Variants in TMTC1 observed in about 807,000 individuals in gnomAD.
TMTC1 encodes the protein protein O-mannosyl-transferase TMTC1.
Under a neutral mutation model 104.8 loss-of-function variants are expected in TMTC1, and 73 were observed. That is an observed-to-expected ratio of 0.70 (90% CI 0.58 to 0.85). The LOEUF (loss-of-function observed/expected upper bound fraction) is 0.85. TMTC1 is among the 40% of genes least tolerant of loss of function. TMTC1 has a pLI of 0.00. For synonymous variants in TMTC1, 434 were observed against 428.7 expected (o/e 1.01, Z -0.15); for missense variants, 1,035 against 1,096.1 (o/e 0.94, Z 0.79).
intron 5 of TMTC1, among the ~76,000 whole-genome samples, chr12:29,655,885 G>A (rs187726186): frequency 6.6e-5 from 10 of 152,062 alleles, no homozygotes; most frequent in Admixed American, 5.2e-4. Context: ...ACTCTCACCC[G>A]ATAATAACTT....
At chr12:29,762,226 G>A (rs2120405295) in intron 2 of TMTC1, among the ~76,000 whole-genome samples, 1 of 152,296 alleles carries the variant, frequency 6.6e-6, no homozygotes, top group South Asian at 2.1e-4. Flanking sequence ...TTCAAGGTCT[G>A]AATGTAGACT....
intron 5 of TMTC1, among the ~76,000 whole-genome samples, chr12:29,726,991 C>T (rs2136902985): frequency 6.6e-6 from 1 of 152,344 alleles, no homozygotes; most frequent in African/African-American, 2.4e-5. Flanking sequence ...CTGCTGAGCA[C>T]AGCAGGGGTA....
At chr12:29,708,755 C>T (rs1565784546) in intron 5 of TMTC1, among the ~76,000 whole-genome samples, 1 of 152,090 alleles carries the variant, frequency 6.6e-6, no homozygotes, top group Non-Finnish European at 1.5e-5. Flanking sequence ...TAGAATGTAC[C>T]GTCTTGAGCC....
chr12:29,504,964 A>T lies in TMTC1; in HGVS notation c.*1882T>A, dbSNP rs1943666643. On this transcript the variant is annotated 3_prime_UTR_variant, in exon 18 of 18. Transcript: ENST00000539277. Reference sequence around the variant, plus strand: ...AGGACTATGATTTTGGGGGAAGAATAGTTCTTAATTAAGGTTGTGGATACA... The same window carrying T: ...AGGACTATGATTTTGGGGGAAGAATTGTTCTTAATTAAGGTTGTGGATACA... 6.6e-6 allele frequency: 1 copy of T among 152,200 alleles called. No individual in the cohort carries two copies. Among genetic ancestry groups the T allele is most frequent in the Non-Finnish European group, 1.5e-5 (1 of 68,034 alleles). The allele number at this position is 152,200 out of a possible 1,614,324, so 9.4% of individuals were successfully genotyped here.
At chr12:29,695,981 A>G (rs757551237) in intron 5 of TMTC1, among the ~76,000 whole-genome samples, 2 of 151,688 alleles carry the variant, frequency 1.3e-5, no homozygotes, top group Non-Finnish European at 2.9e-5. Flanking sequence ...TGCTTTGAGA[A>G]TTTTCCAAAT....
At position 29,641,977 on chromosome 12, in the gene TMTC1, G is replaced by A. The variant is rs930285138; in HGVS notation, c.939-8641C>T. Among the ~76,000 whole-genome samples, 12 of 152,202 alleles carry A rather than the reference G, an allele frequency of 7.9e-5. No individual in the cohort carries two copies. In the South Asian group the frequency reaches 1.0e-3, roughly 13 times the overall value. On this transcript the variant is annotated intron_variant, in intron 5 of 17. Coordinates refer to ENST00000539277, the MANE Select transcript of TMTC1 (RefSeq NM_001193451.2). Reference sequence around the variant, plus strand: ...AGTTCTCAGCAATATAATTGAACAAGTAGAAGAAGAAATTCAGAGCTCAAA... The same window carrying A: ...AGTTCTCAGCAATATAATTGAACAAATAGAAGAAGAAATTCAGAGCTCAAA...
intron 5 of TMTC1, among the ~76,000 whole-genome samples, chr12:29,639,969 C>A (rs1938753749): frequency 6.6e-6 from 1 of 152,188 alleles, no homozygotes. Context: ...CACAGGCAAT[C>A]CCCCAGTGGA....
chr12:29,618,145 T>C (rs1420020076), intron 6 of TMTC1, among the ~76,000 whole-genome samples: 2 of 152,112 alleles, frequency 1.3e-5, no homozygotes, highest in Admixed American at 6.6e-5. Context: ...ATTCTCTTGA[T>C]GGATGAGATA....
chr12:29,614,365 T>G (rs1946923946), intron 6 of TMTC1, among the ~76,000 whole-genome samples: 1 of 152,192 alleles, frequency 6.6e-6, no homozygotes, highest in Non-Finnish European at 1.5e-5. Context: ...CACAAAATCC[T>G]GATGGATCAT....
chr12:29,600,535 C>T (rs1359306388), intron 7 of TMTC1, among the ~76,000 whole-genome samples: 2 of 152,166 alleles, frequency 1.3e-5, no homozygotes, highest in Non-Finnish European at 2.9e-5. Flanking sequence ...AACATAGCTC[C>T]CTTGCAGTTT....
At chr12:29,587,167 G>A (rs543123544) in intron 7 of TMTC1, among the ~76,000 whole-genome samples, 363 of 152,072 alleles carry the variant, frequency 2.4e-3, no homozygotes, top group African/African-American at 8.5e-3. Context: ...GTCTTGGGAG[G>A]GTGTAAGTGT....
At chr12:29,611,001 G>T (rs1946830029) in intron 6 of TMTC1, among the ~76,000 whole-genome samples, 1 of 152,190 alleles carries the variant, frequency 6.6e-6, no homozygotes, top group African/African-American at 2.4e-5. Context: ...GACAAAAGTA[G>T]ACTTGTATAC....
chr12:29,525,786 A>C (rs958763985), intron 11 of TMTC1, among the ~76,000 whole-genome samples: 1 of 152,194 alleles, frequency 6.6e-6, no homozygotes, highest in African/African-American at 2.4e-5. Context: ...TATCCACTGT[A>C]ATACTTTTGA....
intron 9 of TMTC1, among the ~76,000 whole-genome samples, chr12:29,565,565 G>A (rs1316251283): frequency 6.6e-6 from 1 of 152,180 alleles, no homozygotes; most frequent in Non-Finnish European, 1.5e-5. Flanking sequence ...CACAGTATAA[G>A]GCCAGGTGGA....
At chr12:29,739,421 G>T (rs576582228) in intron 5 of TMTC1, among the ~76,000 whole-genome samples, 1 of 152,262 alleles carries the variant, frequency 6.6e-6, no homozygotes, top group East Asian at 1.9e-4. Flanking sequence ...GACTCAGCTT[G>T]AGCCAAACTT....
intron 5 of TMTC1, among the ~76,000 whole-genome samples, chr12:29,643,516 A>T (rs12812218): frequency 2.4e-5 from 1 of 41,578 alleles, no homozygotes; most frequent in South Asian, 6.6e-4. Flanking sequence ...TTTTATATAT[A>T]ATATAATATA....
chr12:29,685,591 T>G (rs556054357), intron 5 of TMTC1, among the ~76,000 whole-genome samples: 142 of 152,006 alleles, frequency 9.3e-4, no homozygotes, highest in African/African-American at 3.2e-3. Flanking sequence ...AAAAGCAAAT[T>G]ACTCTGTTAA....
At chr12:29,740,496 G>C (rs1371426813) in intron 5 of TMTC1, among the ~76,000 whole-genome samples, 4 of 152,182 alleles carry the variant, frequency 2.6e-5, no homozygotes, top group Non-Finnish European at 1.5e-5. Flanking sequence ...AAGCTCTTCA[G>C]TCTGGGGACT....
At chr12:29,523,214 A>G (rs1038091329) in intron 11 of TMTC1, among the ~76,000 whole-genome samples, 1 of 152,238 alleles carries the variant, frequency 6.6e-6, no homozygotes, top group Non-Finnish European at 1.5e-5. Context: ...TAAATGTAAC[A>G]AAGTTTATTT....
Sources: allele counts gnomAD v4.1 joint callset (sites outside exome capture counted in the v4.1 genomes callset), GRCh38; gene constraint gnomAD v4.1.1; transcripts MANE v1.5; gene names NCBI Gene and HGNC (gene_info 2026-07-23, HGNC 2026-07-21).